The following CDYL2 variants were observed in gnomAD, a reference collection of about 807,000 sequenced individuals.
CDYL2 encodes the protein chromodomain Y like 2.
Under a neutral mutation model 49.4 loss-of-function variants are expected in CDYL2, and 23 were observed. That is an observed-to-expected ratio of 0.47 (90% CI 0.34 to 0.66). The LOEUF is 0.66. CDYL2 is among the 30% of genes least tolerant of loss of function. The probability of loss-of-function intolerance (pLI) is 0.01; values close to 1 mark genes in which losing one functional copy is unlikely to be tolerated. For synonymous variants in CDYL2, 360 were observed against 268.8 expected (o/e 1.34, Z -3.32); for missense variants, 678 against 656.4 (o/e 1.03, Z -0.36).
At chr16:80,658,611 A>C (rs1318307067) in intron 2 of CDYL2, among the ~76,000 whole-genome samples, 1 of 152,242 alleles carries the variant, frequency 6.6e-6, no homozygotes, top group African/African-American at 2.4e-5. Context: ...CAGAGAGGCA[A>C]GGAAGAATCC....
intron 2 of CDYL2, among the ~76,000 whole-genome samples, chr16:80,652,629 A>C (rs1908632200): frequency 1.3e-5 from 2 of 152,208 alleles, no homozygotes; most frequent in African/African-American, 2.4e-5. Context: ...GTAACCCTAC[A>C]GTGGAGAAAC....
intron 2 of CDYL2, among the ~76,000 whole-genome samples, chr16:80,669,010 G>A (rs1909388205): frequency 6.6e-6 from 1 of 151,984 alleles, no homozygotes; most frequent in Admixed American, 6.6e-5. Flanking sequence ...AAAAAGAGAA[G>A]AGAGGAGAAG....
At chr16:80,788,181 G>A (rs1430880941) in intron 1 of CDYL2, among the ~76,000 whole-genome samples, 1 of 152,208 alleles carries the variant, frequency 6.6e-6, no homozygotes, top group Non-Finnish European at 1.5e-5. Context: ...GTTACCAACT[G>A]CTCTCAAAAT....
rs148821008 is a variant in CDYL2 at position 80,633,162 on chromosome 16, C to T, written c.691G>A (p.Val231Ile). The change falls in exon 3 of 7, where the codon GTC becomes ATC. Residue 231 changes from valine (V) to isoleucine (I), a missense_variant. Coordinates refer to ENST00000570137, the MANE Select transcript of CDYL2 (RefSeq NM_152342.4). ...CTGTATCTGAGCCTTTTGTCAAAGA[C>T]GTAGTCCTTCTCCGCTTCCAGCTTC... The part of the protein sequence containing the change: ...KRKLEAEKDY[V>I]FDKRLRYSVR... 5.9e-5 allele frequency: 95 copies of T among 1,614,092 alleles called. No individual in the cohort carries two copies. The East Asian group carries it at 1.5e-3, about 26-fold the overall frequency.
chr16:80,736,878 C>A (rs113001134), intron 1 of CDYL2, among the ~76,000 whole-genome samples: 1 of 152,174 alleles, frequency 6.6e-6, no homozygotes, highest in Non-Finnish European at 1.5e-5. Context: ...TGTTCACTTG[C>A]ACATGGATTT....
intron 4 of CDYL2, among the ~76,000 whole-genome samples, chr16:80,620,158 A>C (rs186155921): frequency 6.9e-4 from 105 of 152,368 alleles, no homozygotes; most frequent in African/African-American, 2.5e-3. Flanking sequence ...TATACTGATA[A>C]AGAATGGGGA....
intron 1 of CDYL2, among the ~76,000 whole-genome samples, chr16:80,696,037 C>A (rs1910602394): frequency 6.6e-6 from 1 of 152,164 alleles, no homozygotes; most frequent in Non-Finnish European, 1.5e-5. Context: ...AAATTGAAAT[C>A]ATATCAATTA....
intron 1 of CDYL2, among the ~76,000 whole-genome samples, chr16:80,727,659 C>T (rs562278648): frequency 4.3e-4 from 65 of 152,306 alleles, no homozygotes; most frequent in African/African-American, 1.5e-3. Flanking sequence ...ACAGACAAAA[C>T]AAAAAGACAG....
At chr16:80,764,637 T>G (rs16953969) in intron 1 of CDYL2, among the ~76,000 whole-genome samples, 5,058 of 152,278 alleles carry the variant, frequency 0.033, 119 homozygotes, top group Admixed American at 0.076. Context: ...TAAACTGTCA[T>G]GAGATACTAG....
intron 1 of CDYL2, among the ~76,000 whole-genome samples, chr16:80,701,524 G>C (rs548380091): frequency 6.2e-4 from 95 of 152,094 alleles, no homozygotes; most frequent in African/African-American, 2.3e-3. Context: ...ATATCATGGG[G>C]AAAAATGAGC....
intron 3 of CDYL2, among the ~76,000 whole-genome samples, chr16:80,630,989 C>G (rs191996231): frequency 6.6e-6 from 1 of 152,104 alleles, no homozygotes; most frequent in African/African-American, 2.4e-5. Context: ...CATTAACCTC[C>G]CATTGCTATT....
chr16:80,770,985 G>A (rs888039956), intron 1 of CDYL2, among the ~76,000 whole-genome samples: 6 of 152,174 alleles, frequency 3.9e-5, no homozygotes, highest in Non-Finnish European at 5.9e-5. Flanking sequence ...GGAATACTGG[G>A]AATCCCACTG....
chr16:80,740,839 A>G (rs1003867195), intron 1 of CDYL2, among the ~76,000 whole-genome samples: 1 of 150,988 alleles, frequency 6.6e-6, no homozygotes, highest in African/African-American at 2.5e-5. Context: ...TAACTGTGAT[A>G]CACTAAAAAA....
chr16:80,758,789 G>T (rs995073408), intron 1 of CDYL2, among the ~76,000 whole-genome samples: 2 of 151,532 alleles, frequency 1.3e-5, no homozygotes, highest in East Asian at 3.9e-4. Flanking sequence ...TGATCCGCCC[G>T]CCTCTGCCTC....
intron 1 of CDYL2, among the ~76,000 whole-genome samples, chr16:80,732,351 T>C (rs1379043432): frequency 6.6e-6 from 1 of 152,146 alleles, no homozygotes. Context: ...GTCCCTTGCA[T>C]AAAAAGTTAC....
At chr16:80,697,304 G>C (rs1444527540) in intron 1 of CDYL2, among the ~76,000 whole-genome samples, 1 of 152,098 alleles carries the variant, frequency 6.6e-6, no homozygotes, top group African/African-American at 2.4e-5. Flanking sequence ...ATCACATTAA[G>C]AATGAAAGAC....
At chr16:80,762,464 C>T (rs777092358) in intron 1 of CDYL2, among the ~76,000 whole-genome samples, 2 of 152,168 alleles carry the variant, frequency 1.3e-5, no homozygotes, top group Non-Finnish European at 2.9e-5. Context: ...GTGGGCAACG[C>T]TAAAACCCAG....
chr16:80,804,024 G>C, intron 1 of CDYL2, 126 bp downstream of exon 1: 1 of 642,170 alleles, frequency 1.6e-6, no homozygotes, highest in Non-Finnish European at 1.9e-6. Context: ...CGCCGCCGCC[G>C]CCGCCGCGGG....
Position 80,684,613 on chromosome 16 carries a change from A to G in CDYL2, c.541T>C (p.Leu181=). 1 of 1,614,156 alleles carries G rather than the reference A, an allele frequency of 6.2e-7. No individual in the cohort carries two copies. Among genetic ancestry groups the G allele is most frequent in the South Asian group, 1.1e-5 (1 of 91,076 alleles). ...TCTTGCTCTCCAACATGATCATTCA[A>G]ATCCAAGCCAGGCTGATGGGACCCA... is the stretch of plus-strand genomic sequence containing the variant. The part of the protein sequence containing the change: ...GNGSHQPGLD[L]NDHVGEQDMG... The change falls in exon 2 of 7, where the codon TTG becomes CTG. Residue 181 remains leucine, a synonymous_variant. Coordinates refer to ENST00000570137, the MANE Select transcript of CDYL2 (RefSeq NM_152342.4).
Sources: gnomAD v4.1 joint callset for allele counts (sites outside exome capture counted in the v4.1 genomes callset) on GRCh38, gnomAD v4.1.1 for gene constraint, MANE v1.5 for transcripts, NCBI Gene and HGNC (gene_info 2026-07-23, HGNC 2026-07-21) for gene names.